FBXL17: variants seen among roughly 807,000 people sequenced by gnomAD.
FBXL17 encodes the protein F-box and leucine rich repeat protein 17.
A neutral mutation model predicts 66.2 loss-of-function variants in FBXL17; 22 were observed. The observed-to-expected ratio is 0.33, with a 90% confidence interval of 0.24 to 0.47. The LOEUF is 0.47. Ranked by LOEUF, FBXL17 falls within the 20% of genes least tolerant of loss-of-function variation. The probability of loss-of-function intolerance (pLI) is 1.00; values close to 1 mark genes in which losing one functional copy is unlikely to be tolerated. For missense variants in FBXL17, 878 were observed against 948.2 expected (o/e 0.93, Z 0.97); for synonymous variants, 474 against 400.5 (o/e 1.18, Z -2.19).
At chr5:108,180,623 G>A (rs1455158815) in intron 6 of FBXL17, among the ~76,000 whole-genome samples, 2 of 152,094 alleles carry the variant, frequency 1.3e-5, no homozygotes, top group African/African-American at 4.8e-5. Flanking sequence ...CTGGATAACA[G>A]TCTAAGATTT....
intron 6 of FBXL17, among the ~76,000 whole-genome samples, chr5:108,094,552 G>T (rs1366579941): frequency 6.6e-6 from 1 of 151,998 alleles, no homozygotes; most frequent in Admixed American, 6.6e-5. Context: ...ACTTCACTCT[G>T]CTCATTCACA....
chr5:107,966,437 TC>T (rs1484998445), intron 7 of FBXL17, among the ~76,000 whole-genome samples: 1 of 151,686 alleles, frequency 6.6e-6, no homozygotes, highest in Non-Finnish European at 1.5e-5. Flanking sequence ...AGGTCATTTG[TC>T]CAGTGACAGA....
intron 6 of FBXL17, among the ~76,000 whole-genome samples, chr5:108,177,926 T>C (rs1752854246): frequency 7.0e-6 from 1 of 143,384 alleles, no homozygotes. Flanking sequence ...TATATATATA[T>C]ATATATACAC....
At chr5:108,290,668 C>T (rs1758073586) in intron 4 of FBXL17, among the ~76,000 whole-genome samples, 1 of 152,126 alleles carries the variant, frequency 6.6e-6, no homozygotes, top group Admixed American at 6.6e-5. Flanking sequence ...CCTGTTTTCC[C>T]ATCCAAAAGC....
In FBXL17 at chr5:108,314,328, G is replaced by A. The variant is rs1392880536; in HGVS notation, c.1506+34071C>T. On this transcript the variant is annotated intron_variant, in intron 4 of 8. Transcript: ENST00000542267. ...CACATTGTTGGCCAATATTGAAATG[G>A]CATAATCAAAAAGTCTTTAAATTAT... Among the ~76,000 whole-genome samples, 7 of 151,398 alleles carry A rather than the reference G, an allele frequency of 4.6e-5. No individual in the cohort carries two copies. The Admixed American group carries it at 4.6e-4, about 10-fold the overall frequency.
At chr5:107,955,297 C>CA (rs1006978371) in intron 7 of FBXL17, among the ~76,000 whole-genome samples, 34 of 150,624 alleles carry the variant, frequency 2.3e-4, no homozygotes, top group Admixed American at 1.5e-3. Flanking sequence ...TTAGTCTTAA[C>CA]AAAAAAAAAT....
At chr5:107,942,502 A>G (rs914712921) in intron 7 of FBXL17, among the ~76,000 whole-genome samples, 3 of 152,192 alleles carry the variant, frequency 2.0e-5, no homozygotes, top group Non-Finnish European at 2.9e-5. Context: ...CAAATGGCTC[A>G]CTCAAACCAT....
chr5:107,889,135 T>C (rs1479875465), intron 7 of FBXL17, among the ~76,000 whole-genome samples: 1 of 152,176 alleles, frequency 6.6e-6, no homozygotes, highest in Non-Finnish European at 1.5e-5. Flanking sequence ...TAAAAAAATT[T>C]CTAGCAGAGT....
At chr5:108,049,956 G>T (rs1354916772) in intron 6 of FBXL17, among the ~76,000 whole-genome samples, 1 of 152,212 alleles carries the variant, frequency 6.6e-6, no homozygotes, top group African/African-American at 2.4e-5. Context: ...TGACAAAACA[G>T]ACTTCAAACC....
intron 8 of FBXL17, chr5:107,879,211 T>A: frequency 1.0e-6 from 1 of 985,450 alleles, no homozygotes; most frequent in Non-Finnish European, 1.2e-6. Flanking sequence ...AATATGACAA[T>A]TTCTGAGAAT....
At chr5:108,052,697 T>G (rs1747531528) in intron 6 of FBXL17, among the ~76,000 whole-genome samples, 1 of 152,186 alleles carries the variant, frequency 6.6e-6, no homozygotes, top group Non-Finnish European at 1.5e-5. Context: ...GAAAAACTAC[T>G]TTAAATTTCA....
At chr5:108,251,360 A>G (rs551586302) in intron 4 of FBXL17, among the ~76,000 whole-genome samples, 34 of 152,152 alleles carry the variant, frequency 2.2e-4, no homozygotes, top group Middle Eastern at 3.4e-3. Context: ...TGTTTATTCC[A>G]AGATGGTATT....
intron 1 of FBXL17, 64 bp from the exon 2 acceptor site, chr5:108,368,017 T>C: frequency 6.9e-7 from 1 of 1,442,902 alleles, no homozygotes; most frequent in Non-Finnish European, 9.3e-7. Context: ...GGAAAAGGTT[T>C]TTATTAGTTA....
In FBXL17 at chr5:108,224,128, A is replaced by G; in HGVS notation, c.1607T>C (p.Leu536Pro). The change falls in exon 5 of 9, where the codon CTA becomes CCA. Residue 536 changes from leucine (L) to proline (P), a missense_variant. Coordinates refer to ENST00000542267, the MANE Select transcript of FBXL17 (RefSeq NM_001163315.3). ...CSVTSKGVIHLTKLRNLSSLD... is the reference protein window; with the variant it reads ...CSVTSKGVIHPTKLRNLSSLD... ...AGCAGCCATAGTACCTACCTTGGTT[A>G]GGTGAATGACTCCTTTAGAAGTGAC... 6.3e-7 allele frequency: 1 copy of G among 1,579,988 alleles called. No homozygotes were observed. The highest frequency in any genetic ancestry group is 8.7e-7 in the Non-Finnish European group (1 of 1,150,994).
At position 108,177,595 on chromosome 5, in the gene FBXL17, G is replaced by C. The variant is rs1349721916; in HGVS notation, c.1745+8522C>G. ...AACAGGCATGGGTTGGAACTATCCT[G>C]GTCAAATCAGGATATATGGTCACTC... On this transcript the variant is annotated intron_variant, in intron 6 of 8. Transcript: ENST00000542267. 2.0e-5 allele frequency among the ~76,000 whole-genome samples: 3 copies of C among 152,050 alleles called. No homozygotes were observed. The East Asian group carries it at 5.8e-4, about 30-fold the overall frequency.
chr5:108,111,772 C>A (rs1337012622), intron 6 of FBXL17, among the ~76,000 whole-genome samples: 2 of 152,134 alleles, frequency 1.3e-5, no homozygotes, highest in Non-Finnish European at 2.9e-5. Context: ...TAATAAAATC[C>A]TATTACATAA....
intron 7 of FBXL17, among the ~76,000 whole-genome samples, chr5:107,950,793 C>G (rs1028083554): frequency 6.6e-6 from 1 of 152,156 alleles, no homozygotes; most frequent in Non-Finnish European, 1.5e-5. Context: ...ATCCGTTTGT[C>G]ATAATAGAGC....
At chr5:108,221,462 T>C (rs996930083) in intron 5 of FBXL17, among the ~76,000 whole-genome samples, 1 of 152,186 alleles carries the variant, frequency 6.6e-6, no homozygotes, top group Admixed American at 6.5e-5. Context: ...GATCATCTAA[T>C]ACAGGCACAT....
intron 6 of FBXL17, among the ~76,000 whole-genome samples, chr5:108,112,834 T>C (rs1750091576): frequency 6.6e-6 from 1 of 152,194 alleles, no homozygotes; most frequent in Non-Finnish European, 1.5e-5. Context: ...ATTTAACAAA[T>C]ATTGTATTTT....
Sources: gnomAD v4.1 joint callset for allele counts (sites outside exome capture counted in the v4.1 genomes callset) on GRCh38, gnomAD v4.1.1 for gene constraint, MANE v1.5 for transcripts, NCBI Gene and HGNC (gene_info 2026-07-23, HGNC 2026-07-21) for gene names.